The following TANC2 variants were observed in gnomAD, a reference collection of about 807,000 sequenced individuals.
The protein encoded by TANC2 is tetratricopeptide repeat, ankyrin repeat and coiled-coil containing 2.
TANC2 carries 26 observed loss-of-function variants against 210.5 expected under a neutral mutation model. The ratio of observed to expected loss-of-function variants is 0.12; its 90% CI spans 0.09 to 0.17. TANC2 has a LOEUF of 0.17. TANC2 is among the 10% of genes least tolerant of loss of function. The pLI is 1.00. For synonymous variants in TANC2, 931 were observed against 967.1 expected, an observed-to-expected ratio of 0.96 and a Z score of 0.69; for missense variants, 2,129 against 2,608.9, an observed-to-expected ratio of 0.82 and a Z score of 4.01.
rs571421263 is a variant in TANC2 at position 63,331,202 on chromosome 17, C to T, written c.1576-8899C>T. 1.8e-4 allele frequency among the ~76,000 whole-genome samples: 27 copies of T among 152,364 alleles called. No individual in the cohort carries two copies. In the South Asian group the frequency reaches 5.6e-3, roughly 32 times the overall value. On this transcript the variant is annotated intron_variant, in intron 11 of 27. Transcript: ENST00000689528. Reference sequence around the variant, plus strand: ...TCTACCACATGATGCATTATCACTTCTTTAACCATTTATTTCCTAATTGTT... The same window carrying T: ...TCTACCACATGATGCATTATCACTTTTTTAACCATTTATTTCCTAATTGTT...
chr17:63,348,904 A>G (rs1021963181), intron 12 of TANC2, among the ~76,000 whole-genome samples: 4 of 152,194 alleles, frequency 2.6e-5, no homozygotes, highest in Non-Finnish European at 4.4e-5. Flanking sequence ...AAACCTTATC[A>G]TTTAGCAAAG....
At chr17:62,994,957 G>A (rs1198770896) in intron 1 of TANC2, among the ~76,000 whole-genome samples, 4 of 152,166 alleles carry the variant, frequency 2.6e-5, no homozygotes, top group African/African-American at 9.7e-5. Context: ...TTTAACAAAG[G>A]CTACAAAGCT....
chr17:63,141,056 A>C (rs2039271871), intron 4 of TANC2, among the ~76,000 whole-genome samples: 1 of 152,036 alleles, frequency 6.6e-6, no homozygotes, highest in Non-Finnish European at 1.5e-5. Flanking sequence ...GCCCAGGAAG[A>C]GTATTATAAA....
chr17:63,206,682 AG>A (rs1327721471), intron 7 of TANC2, among the ~76,000 whole-genome samples: 1 of 152,130 alleles, frequency 6.6e-6, no homozygotes, highest in Non-Finnish European at 1.5e-5. Context: ...TAGAATAGAG[AG>A]TACTGAGTGG....
intron 7 of TANC2, among the ~76,000 whole-genome samples, chr17:63,236,475 CTACTT>C (rs1490854110): frequency 1.3e-5 from 2 of 152,054 alleles, no homozygotes; most frequent in Non-Finnish European, 2.9e-5. Context: ...AGATTAATCT[CTACTT>C]TAGATTTTCT....
At chr17:62,969,707 G>T (rs1192051531) in intron 1 of TANC2, among the ~76,000 whole-genome samples, 10 of 151,434 alleles carry the variant, frequency 6.6e-5, no homozygotes, top group Admixed American at 4.6e-4. Flanking sequence ...GTGTGTGTGT[G>T]TGTGTATATA....
At chr17:63,107,531 A>G (rs1567727922) in intron 4 of TANC2, among the ~76,000 whole-genome samples, 1 of 151,760 alleles carries the variant, frequency 6.6e-6, no homozygotes, top group Non-Finnish European at 1.5e-5. Flanking sequence ...AAACTTGTAC[A>G]TGTATGTTCA....
At chr17:63,178,561 C>T (rs543913434) in intron 5 of TANC2, among the ~76,000 whole-genome samples, 3 of 152,292 alleles carry the variant, frequency 2.0e-5, no homozygotes, top group South Asian at 2.1e-4. Flanking sequence ...TTCAGGTAAT[C>T]GTTCGAGAAC....
At position 63,420,563 on chromosome 17, in the gene TANC2, A is replaced by G. The variant is rs754566705; in HGVS notation, c.4833A>G (p.Glu1611=). The G allele has an allele frequency of 6.2e-7, 1 of 1,613,776 alleles. No individual in the cohort carries two copies. The highest frequency in any genetic ancestry group is 1.7e-5 in the Admixed American group (1 of 60,002). Residue 1611 remains glutamate (E), a synonymous_variant, in exon 28 of 28, where the codon GAA becomes GAG. Transcript: ENST00000689528. The surrounding 1 kb of genome is among the most constrained non-coding windows in gnomAD (Gnocchi z 4.2). ...CTCCTGTGGGAGGACAGGGCAAAGA[A>G]TACCCAAGCCCTCCCCCTTCCCCTC...
chr17:63,257,873 T>C (rs2146206135), intron 8 of TANC2, among the ~76,000 whole-genome samples: 1 of 152,356 alleles, frequency 6.6e-6, no homozygotes, highest in African/African-American at 2.4e-5. Context: ...GGTTCAACTT[T>C]TAGGCTTTCT....
In TANC2 at chr17:63,103,649, G is replaced by A. The variant is rs1007812237; in HGVS notation, c.322+4292G>A. Among the ~76,000 whole-genome samples, 6 of 152,196 alleles carry A rather than the reference G, an allele frequency of 3.9e-5. No individual in the cohort carries two copies. In the East Asian group the frequency reaches 7.7e-4, roughly 20 times the overall value. ...CATTGTTTTATACTTTTTAAAAACCGTGTTTAAGGGCTCAGAAAGTGTTAG... is the reference window on the plus strand; with the variant it reads ...CATTGTTTTATACTTTTTAAAAACCATGTTTAAGGGCTCAGAAAGTGTTAG... On this transcript the variant is annotated intron_variant, in intron 4 of 27. Coordinates refer to ENST00000689528, the Ensembl canonical transcript of TANC2.
intron 7 of TANC2, among the ~76,000 whole-genome samples, chr17:63,222,937 A>G (rs2042234879): frequency 6.6e-6 from 1 of 152,238 alleles, no homozygotes; most frequent in African/African-American, 2.4e-5. Context: ...CACAATGGAA[A>G]CTTACTCAGT....
intron 7 of TANC2, among the ~76,000 whole-genome samples, chr17:63,202,297 C>G (rs1197526873): frequency 6.6e-6 from 1 of 151,992 alleles, no homozygotes; most frequent in Non-Finnish European, 1.5e-5. Context: ...TAGTATAAAA[C>G]TATATATTTA....
chr17:63,264,086 C>T (rs1169239362), intron 8 of TANC2, among the ~76,000 whole-genome samples: 1 of 152,186 alleles, frequency 6.6e-6, no homozygotes, highest in Non-Finnish European at 1.5e-5. Context: ...CTTATTCTAT[C>T]CTCCTTGGAC....
chr17:63,210,626 A>G (rs1324539459), intron 7 of TANC2, among the ~76,000 whole-genome samples: 1 of 152,224 alleles, frequency 6.6e-6, no homozygotes, highest in Non-Finnish European at 1.5e-5. Context: ...TTAAATAACT[A>G]AACATTTTGA....
chr17:63,092,104 T>C (rs1036841301), intron 3 of TANC2, among the ~76,000 whole-genome samples: 1 of 152,188 alleles, frequency 6.6e-6, no homozygotes, highest in African/African-American at 2.4e-5. Context: ...AGTAAGATTC[T>C]GTTGCATGTA....
chr17:63,099,171 A>G lies in TANC2; in HGVS notation c.140-4A>G. The G allele has an allele frequency of 6.2e-7, 1 of 1,609,864 alleles. No individual in the cohort carries two copies. Among genetic ancestry groups the G allele is most frequent in the African/African-American group, 1.3e-5 (1 of 74,932 alleles). ...AGCTCTTTTGTTCCATCCCCTTCTAACAGGTGGCATCTCCACAGAAAGCGA... is the reference window on the plus strand; with the variant it reads ...AGCTCTTTTGTTCCATCCCCTTCTAGCAGGTGGCATCTCCACAGAAAGCGA... On this transcript the variant is annotated splice_region_variant and splice_polypyrimidine_tract_variant and intron_variant, in intron 3 of 27. Transcript: ENST00000689528.
chr17:63,298,666 TTAA>T (rs1268926132), intron 9 of TANC2, among the ~76,000 whole-genome samples: 2 of 152,180 alleles, frequency 1.3e-5, no homozygotes, highest in Non-Finnish European at 1.5e-5. Flanking sequence ...TTTAAAGTGG[TTAA>T]TTTTATATTA....
At chr17:63,313,964 T>C (rs1226035044) in intron 9 of TANC2, among the ~76,000 whole-genome samples, 11 of 152,186 alleles carry the variant, frequency 7.2e-5, no homozygotes, top group Non-Finnish European at 1.0e-4. Flanking sequence ...AGCCTGGCCT[T>C]TCCAACAGGA....
Sources: gnomAD v4.1 joint callset for allele counts (sites outside exome capture counted in the v4.1 genomes callset) on GRCh38, gnomAD v4.1.1 for gene constraint, Gnocchi (gnomAD v3.1) non-coding constraint, MANE v1.5 for transcripts, NCBI Gene and HGNC (gene_info 2026-07-23, HGNC 2026-07-21) for gene names.